The following DPYD variants were observed in gnomAD, a reference collection of about 807,000 sequenced individuals.
DPYD encodes the protein dihydropyrimidine dehydrogenase [NADP(+)].
In DPYD, 109 loss-of-function variants were observed where a neutral mutation model predicts 116.2. That is an observed-to-expected ratio of 0.94 (90% CI 0.80 to 1.10). The LOEUF (loss-of-function observed/expected upper bound fraction) is 1.10, where lower values mean the gene tolerates loss of function less well. DPYD is among the 50% of genes least tolerant of loss of function. DPYD has a pLI of 0.00. For missense variants in DPYD, 1,302 were observed against 1,254.5 expected, an observed-to-expected ratio of 1.04 and a Z score of -0.57; for synonymous variants, 440 against 432.0, an observed-to-expected ratio of 1.02 and a Z score of -0.23.
intron 3 of DPYD, among the ~76,000 whole-genome samples, chr1:97,761,206 G>A (rs1036397562): frequency 5.3e-5 from 8 of 151,998 alleles, no homozygotes; most frequent in South Asian, 2.1e-4. Flanking sequence ...AACAATCACC[G>A]TAGATGCACA....
At chr1:97,484,685 T>C (rs1343917335) in intron 13 of DPYD, among the ~76,000 whole-genome samples, 1 of 152,208 alleles carries the variant, frequency 6.6e-6, no homozygotes, top group African/African-American at 2.4e-5. Flanking sequence ...CTGTTTTCAG[T>C]TCTGTCATTT....
At chr1:97,569,714 G>A (rs1302105161) in intron 11 of DPYD, among the ~76,000 whole-genome samples, 1 of 151,812 alleles carries the variant, frequency 6.6e-6, no homozygotes, top group African/African-American at 2.4e-5. Flanking sequence ...GATATTTAAG[G>A]CTGACGTTAT....
rs895144060 is a variant in DPYD, at chr1:97,594,975, T to C, written c.958+84A>G. 4.4e-6 allele frequency: 5 copies of C among 1,145,372 alleles called. No individual in the cohort carries two copies. In the African/African-American group the frequency reaches 7.7e-5, roughly 18 times the overall value. The allele number at this position is 1,145,372 out of a possible 1,614,324, so 71.0% of individuals were successfully genotyped here. ...GGTTGGGTGTGAGAGCTGAACAATG[T>C]GCTGCTGAGCTTGATTTTGATATTA... On this transcript the variant is annotated intron_variant, in intron 9 of 22. Transcript: ENST00000370192.
chr1:97,251,850 C>A (rs1462074314), intron 18 of DPYD, among the ~76,000 whole-genome samples: 1 of 152,164 alleles, frequency 6.6e-6, no homozygotes, highest in Non-Finnish European at 1.5e-5. Flanking sequence ...ACCAAAGAAG[C>A]AGTTTGGCCC....
intron 14 of DPYD, among the ~76,000 whole-genome samples, chr1:97,433,455 T>A (rs1217037730): frequency 1.3e-5 from 2 of 152,232 alleles, no homozygotes; most frequent in African/African-American, 4.8e-5. Flanking sequence ...AAAGCAGTCA[T>A]GAGTTTCTGC....
At chr1:97,644,563 G>A (rs1658136172) in intron 8 of DPYD, among the ~76,000 whole-genome samples, 1 of 151,642 alleles carries the variant, frequency 6.6e-6, no homozygotes, top group South Asian at 2.1e-4. Context: ...CAAGTAGCTG[G>A]GACTCCAGGC....
chr1:97,568,657 T>C, intron 11 of DPYD, among the ~76,000 whole-genome samples: 1 of 151,950 alleles, frequency 6.6e-6, no homozygotes, highest in East Asian at 1.9e-4. Flanking sequence ...AAAGGAAAAA[T>C]TCAGAGCAAT....
intron 3 of DPYD, among the ~76,000 whole-genome samples, chr1:97,759,659 T>C (rs1490816338): frequency 6.6e-6 from 1 of 152,216 alleles, no homozygotes; most frequent in East Asian, 1.9e-4. Context: ...CAAATAAATA[T>C]TACATTGTAT....
At chr1:97,781,692 A>G (rs1446626002) in intron 3 of DPYD, among the ~76,000 whole-genome samples, 1 of 152,170 alleles carries the variant, frequency 6.6e-6, no homozygotes, top group East Asian at 1.9e-4. Flanking sequence ...TGGTACAAAT[A>G]ATTTCTTAGC....
intron 19 of DPYD, among the ~76,000 whole-genome samples, chr1:97,218,989 A>G (rs1252686148): frequency 1.3e-5 from 2 of 152,206 alleles, no homozygotes; most frequent in Non-Finnish European, 2.9e-5. Context: ...GTCTGAAAAA[A>G]GCCCAGAAAA....
intron 18 of DPYD, among the ~76,000 whole-genome samples, chr1:97,267,837 TA>T (rs1664332966): frequency 6.6e-6 from 1 of 152,078 alleles, no homozygotes; most frequent in African/African-American, 2.4e-5. Context: ...ATATACAAAA[TA>T]TGTTCATTCC....
Position 97,163,312 on chromosome 1 carries a change from G to T in DPYD, c.2622+29757C>A, listed in dbSNP as rs1323875964. Among the ~76,000 whole-genome samples the T allele has an allele frequency of 2.6e-5, 4 of 152,150 alleles. No individual in the cohort carries two copies. The East Asian group carries it at 7.7e-4, about 29-fold the overall frequency. On this transcript the variant is annotated intron_variant, in intron 20 of 22. Coordinates refer to ENST00000370192, the MANE Select transcript of DPYD (RefSeq NM_000110.4). ...AAAAAACAAACAACCCCATCAAAAA[G>T]TGGGTGAAGGACATGAACAGACACT...
intron 14 of DPYD, among the ~76,000 whole-genome samples, chr1:97,424,244 G>C (rs1674742969): frequency 6.6e-6 from 1 of 152,054 alleles, no homozygotes; most frequent in Non-Finnish European, 1.5e-5. Context: ...TACACCTATA[G>C]TAATGGGTGT....
chr1:97,644,949 T>A (rs1484779860), intron 8 of DPYD, among the ~76,000 whole-genome samples: 1 of 152,182 alleles, frequency 6.6e-6, no homozygotes, highest in Non-Finnish European at 1.5e-5. Context: ...AGAAAAATTT[T>A]ACTTTTTTAT....
At chr1:97,208,151 CTCTTTCTTTTTTCTTTTCTTTTCTT>C (rs1447776858) in intron 19 of DPYD, among the ~76,000 whole-genome samples, 3 of 151,678 alleles carry the variant, frequency 2.0e-5, no homozygotes, top group Non-Finnish European at 4.4e-5. Context: ...TTTTTTTCCT[CTCTTTCTTTTTTCTTTTCTTTTCTT>C]TCTTTCTTTT....
chr1:97,613,082 T>C (rs1430164541), intron 8 of DPYD, among the ~76,000 whole-genome samples: 2 of 152,178 alleles, frequency 1.3e-5, no homozygotes, highest in Non-Finnish European at 2.9e-5. Flanking sequence ...CTTTTCTCTC[T>C]CTTTCCCTTT....
At chr1:97,373,507 G>A in intron 16 of DPYD, 54 bp downstream of exon 16, 3 of 1,482,920 alleles carry the variant, frequency 2.0e-6, no homozygotes, top group Non-Finnish European at 1.9e-6. Flanking sequence ...CTATCCATAC[G>A]GGGGCCTGTT....
chr1:97,283,927 C>T (rs1446135990), intron 18 of DPYD, among the ~76,000 whole-genome samples: 1 of 152,098 alleles, frequency 6.6e-6, no homozygotes, highest in Non-Finnish European at 1.5e-5. Flanking sequence ...TATTGTTTTT[C>T]TCATTTATAA....
intron 21 of DPYD, among the ~76,000 whole-genome samples, chr1:97,089,339 G>A (rs1570435621): frequency 6.6e-6 from 1 of 152,116 alleles, no homozygotes; most frequent in African/African-American, 2.4e-5. Context: ...TATGCTGCCT[G>A]GGAATAAAGC....
Sources: allele counts gnomAD v4.1 joint callset (sites outside exome capture counted in the v4.1 genomes callset), GRCh38; gene constraint gnomAD v4.1.1; transcripts MANE v1.5; gene names NCBI Gene and HGNC (gene_info 2026-07-23, HGNC 2026-07-21).